MFSD11: variants seen among roughly 807,000 people sequenced by gnomAD.
MFSD11 encodes major facilitator superfamily domain containing 11, also known as UNC93-like protein MFSD11.
A neutral mutation model predicts 53.5 loss-of-function variants in MFSD11; 36 were observed. That is an observed-to-expected ratio of 0.67 (90% confidence interval 0.52 to 0.89). The LOEUF is 0.89. MFSD11 is among the 40% of genes least tolerant of loss of function. The pLI is 0.00. For missense variants in MFSD11, 530 were observed against 543.9 expected (o/e 0.97, Z 0.25); for synonymous variants, 186 against 184.9 (o/e 1.01, Z -0.05).
chr17:76,766,183 G>A (rs1303231260), intron 8 of MFSD11, among the ~76,000 whole-genome samples: 1 of 151,586 alleles, frequency 6.6e-6, no homozygotes, highest in Non-Finnish European at 1.5e-5. Flanking sequence ...TTGGGAGGCC[G>A]AGGTGGGTGG....
downstream of MFSD11, among the ~76,000 whole-genome samples, chr17:76,783,116 G>T (rs2082210397): frequency 6.7e-6 from 1 of 148,948 alleles, no homozygotes; most frequent in Non-Finnish European, 1.5e-5. Context: ...GGCAGAGGTT[G>T]CAGTGAGCCA....
chr17:76,739,047 C>G lies in MFSD11; in HGVS notation c.152+54C>G, dbSNP rs2077784912. ...TATATTTGACAGTAGTTGCTTAAAT[C>G]TCATCAGAATCACCAGCAATAGAAT... On this transcript the variant is annotated intron_variant, in intron 2 of 12. Transcript: ENST00000685175. The G allele has an allele frequency of 3.0e-6, 4 of 1,350,630 alleles. No homozygotes were observed. In the Admixed American group the frequency reaches 6.8e-5, roughly 23 times the overall value. The allele number at this position is 1,350,630 out of a possible 1,614,324, so 83.7% of individuals were successfully genotyped here. A position where few individuals can be genotyped will look rare whatever the true frequency, so the allele number is the denominator to read the frequency against.
Position 76,775,117 on chromosome 17 carries a change from A to T in MFSD11, c.995A>T (p.Asp332Val). 6.2e-7 allele frequency: 1 copy of T among 1,614,058 alleles called. No individual in the cohort carries two copies. ...CTAATATTTCTCAACATGCCTGGAG[A>T]TGCCCCGATTGCTCCTGTTAAAGGA... is the stretch of plus-strand genomic sequence containing the variant. ...FYLIFLNMPGDAPIAPVKGTD... is the reference protein window; with the variant it reads ...FYLIFLNMPGVAPIAPVKGTD... Residue 332 changes from aspartate (D) to valine (V), a missense_variant, in exon 11 of 13, where the codon GAT (aspartate) becomes GTT (valine). Transcript: ENST00000685175.
the MFSD11 span, among the ~76,000 whole-genome samples, chr17:76,791,842 T>G: frequency 3.8e-5 from 5 of 130,912 alleles, 1 homozygote; most frequent in South Asian, 4.7e-4. Context: ...TTTTTGCTTG[T>G]TTTTTTTTTT....
chr17:76,753,910 G>C lies in MFSD11; in HGVS notation c.642-137G>C, dbSNP rs993308174. Reference sequence around the variant, plus strand: ...CATGAGGGACACCCTGAGGCAAGGAGCATTCGAGTCACTGGGAATGCATCT... The same window carrying C: ...CATGAGGGACACCCTGAGGCAAGGACCATTCGAGTCACTGGGAATGCATCT... On this transcript the variant is annotated intron_variant, in intron 7 of 12. Transcript: ENST00000685175. The C allele has an allele frequency of 7.7e-6, 5 of 645,794 alleles. No individual in the cohort carries two copies. The African/African-American group carries it at 9.1e-5, about 12-fold the overall frequency. 40.0% of individuals were successfully genotyped at this position (645,794 alleles called of 1,614,324 possible).
downstream of MFSD11, among the ~76,000 whole-genome samples, chr17:76,786,279 G>A (rs1272844954): frequency 2.6e-5 from 4 of 151,592 alleles, no homozygotes; most frequent in East Asian, 8.0e-4. Flanking sequence ...CAAGTAGCTG[G>A]GATTACAGAC....
At chr17:76,786,506 C>G in the MFSD11 span, among the ~76,000 whole-genome samples, 30 of 152,280 alleles carry the variant, frequency 2.0e-4, no homozygotes, top group Middle Eastern at 6.8e-3. Flanking sequence ...TTGAACTCAA[C>G]AGTGACGCAG....
chr17:76,772,155 T>C (rs1002979114), intron 10 of MFSD11, among the ~76,000 whole-genome samples: 3 of 152,134 alleles, frequency 2.0e-5, no homozygotes, highest in Non-Finnish European at 2.9e-5. Flanking sequence ...GGCACAGTGC[T>C]CACGCCTATA....
At chr17:76,740,742 T>A (rs192938687) in intron 2 of MFSD11, among the ~76,000 whole-genome samples, 1 of 152,346 alleles carries the variant, frequency 6.6e-6, no homozygotes, top group East Asian at 1.9e-4. Flanking sequence ...GTAGGCAGAC[T>A]GATCCCAAGG....
downstream of MFSD11, among the ~76,000 whole-genome samples, chr17:76,784,656 A>T (rs1252544864): frequency 6.6e-6 from 1 of 152,120 alleles, no homozygotes; most frequent in African/African-American, 2.4e-5. Flanking sequence ...GCACTTTGGG[A>T]GGCTGAGGTG....
intron 7 of MFSD11, among the ~76,000 whole-genome samples, chr17:76,746,270 A>T (rs2078534854): frequency 6.6e-6 from 1 of 152,200 alleles, no homozygotes; most frequent in South Asian, 2.1e-4. Context: ...AGACGTGAGG[A>T]ATCTTTAGAA....
At chr17:76,769,968 GTT>G (rs1015465934) in intron 10 of MFSD11, 97 bp downstream of exon 10, 2 of 1,004,664 alleles carry the variant, frequency 2.0e-6, no homozygotes, top group African/African-American at 3.6e-5. Flanking sequence ...TTGAATTTCT[GTT>G]TTTTCTACTT....
At chr17:76,771,579 G>A (rs1278507071) in intron 10 of MFSD11, among the ~76,000 whole-genome samples, 1 of 152,224 alleles carries the variant, frequency 6.6e-6, no homozygotes, top group African/African-American at 2.4e-5. Flanking sequence ...AAGCACCATG[G>A]GTAAAGCGGA....
chr17:76,750,068 C>T (rs988175354), intron 7 of MFSD11, among the ~76,000 whole-genome samples: 6 of 151,962 alleles, frequency 3.9e-5, no homozygotes, highest in Middle Eastern at 3.4e-3. Flanking sequence ...TTGGAGGGTT[C>T]GAGAGAGGAC....
At chr17:76,761,104 C>A (rs1404713177) in intron 8 of MFSD11, among the ~76,000 whole-genome samples, 1 of 152,062 alleles carries the variant, frequency 6.6e-6, no homozygotes, top group Non-Finnish European at 1.5e-5. Context: ...ACTCAGGAGG[C>A]TGAGGCGGGA....
the MFSD11 span, among the ~76,000 whole-genome samples, chr17:76,795,280 G>A: frequency 1.2e-4 from 16 of 135,628 alleles, no homozygotes; most frequent in African/African-American, 1.9e-4. Context: ...TCAGGAGTTC[G>A]AGACCAGCCT....
At chr17:76,773,969 G>A (rs1243374612) in intron 10 of MFSD11, among the ~76,000 whole-genome samples, 9 of 151,012 alleles carry the variant, frequency 6.0e-5, no homozygotes, top group East Asian at 2.0e-4. Flanking sequence ...TCTGTCACCC[G>A]TGCTGGAGTG....
the MFSD11 span, among the ~76,000 whole-genome samples, chr17:76,796,653 G>T: frequency 6.6e-6 from 1 of 152,078 alleles, no homozygotes; most frequent in Non-Finnish European, 1.5e-5. Context: ...CAGACTCCAA[G>T]AGAGGGTTCT....
chr17:76,783,839 C>T (rs1312854094), downstream of MFSD11, among the ~76,000 whole-genome samples: 1 of 152,090 alleles, frequency 6.6e-6, no homozygotes, highest in African/African-American at 2.4e-5. Flanking sequence ...GCTGGGATTA[C>T]AGGCATGAGC....
Sources: allele counts gnomAD v4.1 joint callset (sites outside exome capture counted in the v4.1 genomes callset), GRCh38; gene constraint gnomAD v4.1.1; transcripts MANE v1.5; gene names NCBI Gene and HGNC (gene_info 2026-07-23, HGNC 2026-07-21).